The following ENTHD1 variants were observed in gnomAD, a reference collection of about 807,000 sequenced individuals.
ENTHD1 encodes ENTH domain containing 1.
ENTHD1 carries 23 observed loss-of-function variants against 39.1 expected under a neutral mutation model. The observed-to-expected ratio is 0.59, with a 90% CI of 0.42 to 0.83. ENTHD1 has a LOEUF of 0.83. Among genes scored for constraint, ENTHD1 ranks in the 40% least tolerant of loss-of-function variants. ENTHD1 has a pLI of 0.00. For missense variants in ENTHD1, 624 were observed against 705.4 expected (o/e 0.88, Z 1.31); for synonymous variants, 230 against 258.2 (o/e 0.89, Z 1.05).
intron 6 of ENTHD1, chr22:39,750,692 A>G (rs982821807): frequency 3.3e-5 from 5 of 152,330 alleles, no homozygotes; most frequent in Admixed American, 6.5e-5. Flanking sequence ...TCACACATAT[A>G]TATTTGTTCT....
At chr22:39,780,401 C>G (rs567762722) in intron 5 of ENTHD1, among the ~76,000 whole-genome samples, 2 of 151,376 alleles carry the variant, frequency 1.3e-5, no homozygotes, top group South Asian at 4.2e-4. Flanking sequence ...ACTGTGGACT[C>G]AATTCTCCAA....
At chr22:39,782,555 A>T (rs2065419004) in intron 5 of ENTHD1, among the ~76,000 whole-genome samples, 1 of 152,198 alleles carries the variant, frequency 6.6e-6, no homozygotes, top group South Asian at 2.1e-4. Flanking sequence ...AGATACAAAA[A>T]TTCTTAACAA....
intron 5 of ENTHD1, among the ~76,000 whole-genome samples, chr22:39,787,783 A>G (rs1327880420): frequency 3.3e-5 from 5 of 152,228 alleles, no homozygotes; most frequent in Non-Finnish European, 7.3e-5. Context: ...TAAAAATACA[A>G]GGTAAAGCAG....
chr22:39,782,757 T>G (rs1253892477), intron 5 of ENTHD1, among the ~76,000 whole-genome samples: 1 of 151,938 alleles, frequency 6.6e-6, no homozygotes, highest in Non-Finnish European at 1.5e-5. Context: ...TTCAATAACA[T>G]TTAACATCCC....
chr22:39,874,718 C>T (rs892676861), intron 2 of ENTHD1, among the ~76,000 whole-genome samples: 5 of 152,022 alleles, frequency 3.3e-5, no homozygotes, highest in African/African-American at 1.2e-4. Context: ...TTTGAGCAGG[C>T]AATACTTGAA....
intron 3 of ENTHD1, among the ~76,000 whole-genome samples, chr22:39,854,925 A>G (rs1424990460): frequency 2.6e-5 from 4 of 152,176 alleles, no homozygotes; most frequent in African/African-American, 9.7e-5. Context: ...TACCTGTATG[A>G]TATCATCACT....
rs562211705 is a variant in ENTHD1, at chr22:39,880,852, A to T, written c.349+6548T>A. ...ACAGAATGATCAGGATGAGGATCACATCCTTAATTCCTTCATTCAACAATA... is the reference window on the plus strand; with the variant it reads ...ACAGAATGATCAGGATGAGGATCACTTCCTTAATTCCTTCATTCAACAATA... On this transcript the variant is annotated intron_variant, in intron 2 of 6. Coordinates refer to ENST00000325157, the MANE Select transcript of ENTHD1 (RefSeq NM_152512.4). Among the ~76,000 whole-genome samples the T allele has an allele frequency of 5.3e-5, 8 of 152,332 alleles. No homozygotes were observed. The East Asian group carries it at 1.5e-3, about 29-fold the overall frequency.
intron 3 of ENTHD1, among the ~76,000 whole-genome samples, chr22:39,856,884 A>C (rs1238192299): frequency 2.0e-5 from 3 of 151,782 alleles, no homozygotes; most frequent in Non-Finnish European, 2.9e-5. Flanking sequence ...AAAGAAAAGG[A>C]AAAGAAAAAG....
In ENTHD1 at chr22:39,800,136, C is replaced by T. The variant is rs548139054; in HGVS notation, c.832+20857G>A. Among the ~76,000 whole-genome samples the T allele has an allele frequency of 3.6e-4, 55 of 152,294 alleles. 1 individual carries two copies. Among genetic ancestry groups the T allele is most frequent in the African/African-American group, 1.3e-3 (52 of 41,572 alleles). ...GTAGCTAAGGTTATAGGAGTCCATA[C>T]TAGGAATGTTGGCCATGAGGATTTC... On this transcript the variant is annotated intron_variant, in intron 5 of 6. Transcript: ENST00000325157.
At chr22:39,780,312 G>A (rs139631364) in intron 5 of ENTHD1, among the ~76,000 whole-genome samples, 1 of 151,934 alleles carries the variant, frequency 6.6e-6, no homozygotes, top group East Asian at 1.9e-4. Context: ...AGGAGGCAGA[G>A]GCTGCAGTCA....
intron 5 of ENTHD1, among the ~76,000 whole-genome samples, chr22:39,779,138 G>A (rs970749018): frequency 6.6e-6 from 1 of 152,096 alleles, no homozygotes; most frequent in East Asian, 1.9e-4. Context: ...CCAACATGGT[G>A]AAACCCCATC....
chr22:39,884,024 G>A (rs2066361473), intron 2 of ENTHD1, among the ~76,000 whole-genome samples: 1 of 151,762 alleles, frequency 6.6e-6, no homozygotes, highest in African/African-American at 2.4e-5. Flanking sequence ...AAACTACACA[G>A]CACTGTTGAA....
At chr22:39,860,371 G>A (rs1016992129) in intron 3 of ENTHD1, among the ~76,000 whole-genome samples, 4 of 152,194 alleles carry the variant, frequency 2.6e-5, no homozygotes, top group African/African-American at 9.7e-5. Flanking sequence ...TTTAGCATCA[G>A]TTTGATTTAA....
At chr22:39,815,911 G>A (rs551907553) in intron 5 of ENTHD1, among the ~76,000 whole-genome samples, 6 of 152,120 alleles carry the variant, frequency 3.9e-5, no homozygotes, top group Non-Finnish European at 7.4e-5. Context: ...CCTGTGAAAC[G>A]AAATATATAT....
At chr22:39,837,657 G>A (rs545685809) in intron 3 of ENTHD1, among the ~76,000 whole-genome samples, 9 of 152,328 alleles carry the variant, frequency 5.9e-5, no homozygotes, top group Non-Finnish European at 1.2e-4. Flanking sequence ...ATTACAGTAC[G>A]AGGCAGCAGG....
At chr22:39,764,228 C>T (rs1482454540) in intron 6 of ENTHD1, among the ~76,000 whole-genome samples, 1 of 152,108 alleles carries the variant, frequency 6.6e-6, no homozygotes, top group Non-Finnish European at 1.5e-5. Flanking sequence ...GATCCCAGAG[C>T]TTTGGGAGGC....
intron 3 of ENTHD1, among the ~76,000 whole-genome samples, chr22:39,837,153 G>A (rs1370295394): frequency 6.6e-6 from 1 of 152,038 alleles, no homozygotes; most frequent in Non-Finnish European, 1.5e-5. Context: ...GAAAGTATTA[G>A]TACCAACTCT....
intron 3 of ENTHD1, among the ~76,000 whole-genome samples, chr22:39,836,335 A>C (rs145447806): frequency 4.6e-5 from 7 of 152,294 alleles, no homozygotes; most frequent in African/African-American, 1.4e-4. Context: ...TTAGAAAAAT[A>C]ATTTAAATTC....
chr22:39,875,819 C>A (rs925244208), intron 2 of ENTHD1: 1 of 1,613,426 alleles, frequency 6.2e-7, no homozygotes, highest in Non-Finnish European at 8.5e-7. Context: ...CCTGTTTGTA[C>A]GTCATAGAAC....
Sources: gnomAD v4.1 joint callset for allele counts (sites outside exome capture counted in the v4.1 genomes callset) on GRCh38, gnomAD v4.1.1 for gene constraint, MANE v1.5 for transcripts, NCBI Gene and HGNC (gene_info 2026-07-23, HGNC 2026-07-21) for gene names.